Variants in MTFR1L observed in about 807,000 individuals in gnomAD.
MTFR1L encodes mitochondrial fission regulator 1-like.
A neutral mutation model predicts 27.9 loss-of-function variants in MTFR1L; 10 were observed. That is an observed-to-expected ratio of 0.36 (90% CI 0.22 to 0.61). The LOEUF (loss-of-function observed/expected upper bound fraction) is 0.61, where lower values mean the gene tolerates loss of function less well. Among genes scored for constraint, MTFR1L ranks in the 20% least tolerant of loss-of-function variants. The pLI is 0.73. For synonymous variants in MTFR1L, 151 were observed against 139.4 expected (o/e 1.08, Z -0.58); for missense variants, 315 against 363.7 (o/e 0.87, Z 1.09).
In MTFR1L at chr1:25,829,625, A is replaced by G; in HGVS notation, c.568A>G (p.Thr190Ala). The change falls in exon 6 of 7, where the codon ACC becomes GCC. Residue 190 changes from threonine to alanine, a missense_variant. Physicochemically the swap from Thr to Ala is moderately conservative, Grantham distance 58. Transcript: ENST00000374303. ...AACTTCCTTTGTCATTAGTGACATC[A>G]CCGAGGAGACAGAGGTGGAGGTCCC... ...STTSFVISDI[T>A]EETEVEVPEL... The G allele has an allele frequency of 6.2e-7, 1 of 1,614,148 alleles. No individual in the cohort carries two copies. The highest frequency in any genetic ancestry group is 1.3e-5 in the African/African-American group (1 of 75,032).
chr1:25,822,995 G>A (rs1304047133), intron 1 of MTFR1L, 24 bp from the exon 2 acceptor site: 3 of 1,598,820 alleles, frequency 1.9e-6, no homozygotes, highest in African/African-American at 1.3e-5. Flanking sequence ...TGTTTCACAA[G>A]AGGGAAATCT....
Position 25,823,066 on chromosome 1 carries a change from A to T in MTFR1L, c.-39A>T. 1 of 1,614,116 alleles carries T rather than the reference A, an allele frequency of 6.2e-7. No homozygotes were observed. The highest frequency in any genetic ancestry group is 1.7e-5 in the Admixed American group (1 of 60,030). ...CGCCTCCCGCCTCCCGGAGCTGCCCAGTGGCTGCCTTGTCCTTCAAGTGCA... is the reference window on the plus strand; with the variant it reads ...CGCCTCCCGCCTCCCGGAGCTGCCCTGTGGCTGCCTTGTCCTTCAAGTGCA... On this transcript the variant is annotated 5_prime_UTR_variant, in exon 2 of 7. Transcript: ENST00000374303.
chr1:25,825,750 TAGAC>T (rs891069001), intron 3 of MTFR1L: 1 of 153,046 alleles, frequency 6.5e-6, no homozygotes, highest in Non-Finnish European at 1.5e-5. Context: ...ACAGTGGTTT[TAGAC>T]AGTTGCCATC....
At chr1:25,824,350 G>C (rs909346525) in intron 3 of MTFR1L, among the ~76,000 whole-genome samples, 4 of 152,152 alleles carry the variant, frequency 2.6e-5, no homozygotes, top group Non-Finnish European at 5.9e-5. Context: ...CCCTTCTGTG[G>C]TAGAAAGCTA....
chr1:25,831,850 A>G, intron 6 of MTFR1L, 71 bp from the exon 7 acceptor site: 1 of 1,220,814 alleles, frequency 8.2e-7, no homozygotes, highest in South Asian at 1.2e-5. Flanking sequence ...ATTCAACGAG[A>G]TAATGTATTC....
At chr1:25,827,343 C>G (rs1367153139) in intron 5 of MTFR1L, among the ~76,000 whole-genome samples, 3 of 151,628 alleles carry the variant, frequency 2.0e-5, no homozygotes, top group African/African-American at 7.3e-5. Flanking sequence ...ACCATGTTGG[C>G]CAGGCTGGTC....
intron 6 of MTFR1L, 50 bp from the exon 7 acceptor site, chr1:25,831,871 C>T (rs368415663): frequency 5.7e-6 from 8 of 1,411,312 alleles, no homozygotes; most frequent in Non-Finnish European, 3.0e-6. Context: ...AAAAGATATA[C>T]AGCACTACAC....
chr1:25,830,000 A>G (rs1428977350), intron 6 of MTFR1L, among the ~76,000 whole-genome samples, 170 bp downstream of exon 6: 2 of 152,176 alleles, frequency 1.3e-5, no homozygotes, highest in African/African-American at 4.8e-5. Context: ...GTTTGAGGAA[A>G]GAGCAACACT....
rs184122423 is a variant in MTFR1L, at chr1:25,823,733, C to T, written c.114C>T (p.Ala38=). 714 of 1,613,978 alleles carry T rather than the reference C, an allele frequency of 4.4e-4. 4 individuals are homozygous for T. In the Middle Eastern group the frequency reaches 0.014, roughly 31 times the overall value. The change falls in exon 3 of 7, where the codon GCC becomes GCT. Residue 38 remains alanine (A), a synonymous_variant. Coordinates refer to ENST00000374303, the MANE Select transcript of MTFR1L (RefSeq NM_001099625.2). The part of the protein sequence containing the change: ...IGTNLPLKPC[A]RASFETLPNI... ...CCAACCTACCCTTGAAGCCGTGTGC[C>T]CGGGCGTCCTTTGAGGTGAGTATGT...
intron 5 of MTFR1L, among the ~76,000 whole-genome samples, chr1:25,827,581 C>CAG: frequency 6.6e-6 from 1 of 151,222 alleles, no homozygotes; most frequent in Non-Finnish European, 1.5e-5. Flanking sequence ...GCTGGAATTA[C>CAG]GGGTGTGCAC....
chr1:25,829,640 G>T lies in MTFR1L; in HGVS notation c.583G>T (p.Val195Leu). 1 of 1,614,182 alleles carries T rather than the reference G, an allele frequency of 6.2e-7. No individual in the cohort carries two copies. Among genetic ancestry groups the T allele is most frequent in the Non-Finnish European group, 8.5e-7 (1 of 1,180,038 alleles). The part of the protein sequence containing the change: ...VISDITEETE[V>L]EVPELPSVPL... ...TAGTGACATCACCGAGGAGACAGAG[G>T]TGGAGGTCCCTGAGCTTCCATCAGT... The change falls in exon 6 of 7, where the codon GTG (valine) becomes TTG (leucine). Residue 195 changes from valine to leucine, a missense_variant. By Grantham distance (32) the Val-to-Leu change is conservative. Coordinates refer to ENST00000374303, the MANE Select transcript of MTFR1L (RefSeq NM_001099625.2).
At position 25,826,504 on chromosome 1, in the gene MTFR1L, CAG is replaced by C. The variant is rs1319459901; in HGVS notation, c.239+98_239+99del. 6.3e-6 allele frequency: 10 copies of C among 1,575,386 alleles called. No individual in the cohort carries two copies. Among genetic ancestry groups the C allele is most frequent in the East Asian group, 2.2e-5 (1 of 44,642 alleles). On this transcript the variant is annotated intron_variant, in intron 4 of 6. Transcript: ENST00000374303. The surrounding 1 kb of genome is among the most constrained non-coding windows in gnomAD (Gnocchi z 4.1). The stretch of plus-strand genomic sequence containing the variant: ...GAGAGAGGAATGAGAACTGTGGGCT[CAG>C]AGAGGAGCAGAACCTTACTATACTA...
intron 1 of MTFR1L, chr1:25,820,657 G>A (rs1300391544): frequency 9.4e-6 from 4 of 425,090 alleles, no homozygotes; most frequent in South Asian, 3.3e-5. Context: ...GCGGGGCGCA[G>A]AGGTGACAAG....
At chr1:25,823,612 G>A (rs764740956) in intron 2 of MTFR1L, 32 bp from the exon 3 acceptor site, 1 of 1,609,410 alleles carries the variant, frequency 6.2e-7, no homozygotes, top group Non-Finnish European at 8.5e-7. Context: ...TCATTCTCTG[G>A]GGTTGTAGCT....
At chr1:25,828,936 A>G (rs1442938442) in intron 5 of MTFR1L, among the ~76,000 whole-genome samples, 4 of 152,198 alleles carry the variant, frequency 2.6e-5, no homozygotes, top group African/African-American at 4.8e-5. Flanking sequence ...CCAAGAGACA[A>G]GCAGAAGTAA....
At chr1:25,824,389 C>CTCTA (rs1226281387) in intron 3 of MTFR1L, among the ~76,000 whole-genome samples, 3 of 152,156 alleles carry the variant, frequency 2.0e-5, no homozygotes, top group Non-Finnish European at 4.4e-5. Context: ...CAGCTGCCTC[C>CTCTA]CTCTAGGAAC....
intron 5 of MTFR1L, among the ~76,000 whole-genome samples, chr1:25,827,937 C>T (rs1422615528): frequency 6.6e-6 from 1 of 152,142 alleles, no homozygotes; most frequent in Non-Finnish European, 1.5e-5. Flanking sequence ...ATTGCCCAGG[C>T]TGGTCTCAAA....
chr1:25,820,897 C>G (rs754111112), intron 1 of MTFR1L: 4 of 347,208 alleles, frequency 1.2e-5, no homozygotes, highest in Non-Finnish European at 2.2e-5. Context: ...CAGGAAAGGA[C>G]CTGACCCTGT....
At chr1:25,820,878 C>T in intron 1 of MTFR1L, 1 of 370,564 alleles carries the variant, frequency 2.7e-6, no homozygotes, top group Non-Finnish European at 5.1e-6. Flanking sequence ...CAGGGTGCTG[C>T]GGAGCGCACA....
Sources: allele counts gnomAD v4.1 joint callset (sites outside exome capture counted in the v4.1 genomes callset), GRCh38; gene constraint gnomAD v4.1.1; non-coding constraint Gnocchi (gnomAD v3.1); transcripts MANE v1.5; gene names NCBI Gene and HGNC (gene_info 2026-07-23, HGNC 2026-07-21).